ELP4: variants seen among roughly 807,000 people sequenced by gnomAD.
ELP4 encodes elongator acetyltransferase complex subunit 4.
A neutral mutation model predicts 48.9 loss-of-function variants in ELP4; 51 were observed. The ratio of observed to expected loss-of-function variants is 1.04; its 90% CI spans 0.83 to 1.32. ELP4 has a LOEUF of 1.32. Among genes scored for constraint, ELP4 ranks in the 40% most tolerant of loss-of-function variants. ELP4 has a pLI of 0.00. For synonymous variants in ELP4, 210 were observed against 189.2 expected (o/e 1.11, Z -0.90); for missense variants, 519 against 514.6 (o/e 1.01, Z -0.08).
At chr11:31,519,829 CAA>C (rs1045221587) in intron 1 of ELP4, among the ~76,000 whole-genome samples, 30 of 75,906 alleles carry the variant, frequency 4.0e-4, no homozygotes, top group Admixed American at 7.2e-4. Context: ...GACTCCATCT[CAA>C]AAAAAAAAAA....
intron 3 of ELP4, among the ~76,000 whole-genome samples, chr11:31,544,031 GAA>G (rs1956643938): frequency 6.6e-6 from 1 of 152,194 alleles, no homozygotes. Flanking sequence ...CAAGATGGCC[GAA>G]TAGGAACAGC....
At chr11:31,568,604 G>A (rs991288882) in intron 3 of ELP4, among the ~76,000 whole-genome samples, 2 of 152,076 alleles carry the variant, frequency 1.3e-5, no homozygotes, top group African/African-American at 2.4e-5. Flanking sequence ...GAACAGAAAA[G>A]AGAACCCAGA....
At chr11:31,640,523 C>T (rs1272316551) in intron 7 of ELP4, among the ~76,000 whole-genome samples, 1 of 151,890 alleles carries the variant, frequency 6.6e-6, no homozygotes, top group Non-Finnish European at 1.5e-5. Flanking sequence ...CTATTAATTA[C>T]ATTATTATTG....
intron 2 of ELP4, among the ~76,000 whole-genome samples, chr11:31,537,492 C>G (rs1956520167): frequency 6.6e-6 from 1 of 152,152 alleles, no homozygotes; most frequent in Non-Finnish European, 1.5e-5. Context: ...CCTTCTCGCA[C>G]TGCTCTAAAG....
intron 3 of ELP4, among the ~76,000 whole-genome samples, chr11:31,571,218 T>C (rs1484469948): frequency 6.6e-6 from 1 of 152,208 alleles, no homozygotes; most frequent in Admixed American, 6.5e-5. Flanking sequence ...ATCAGCTAAG[T>C]ATATGGAATA....
At chr11:31,612,014 A>G (rs913198136) in intron 5 of ELP4, among the ~76,000 whole-genome samples, 1 of 152,144 alleles carries the variant, frequency 6.6e-6, no homozygotes, top group African/African-American at 2.4e-5. Flanking sequence ...CAGATGTGCT[A>G]ATAAAGGAAG....
At chr11:31,644,512 TC>T (rs1945162919) in intron 7 of ELP4, among the ~76,000 whole-genome samples, 1 of 151,796 alleles carries the variant, frequency 6.6e-6, no homozygotes, top group Non-Finnish European at 1.5e-5. Flanking sequence ...TCTGCTCAGA[TC>T]ATTATGCTAA....
At chr11:31,749,048 C>T (rs921010657) in intron 9 of ELP4, among the ~76,000 whole-genome samples, 10 of 152,056 alleles carry the variant, frequency 6.6e-5, no homozygotes, top group African/African-American at 2.2e-4. Flanking sequence ...AGTTGCATAT[C>T]TAGAAACAGT....
intron 3 of ELP4, among the ~76,000 whole-genome samples, chr11:31,569,275 G>T (rs932446113): frequency 2.0e-5 from 3 of 152,100 alleles, no homozygotes; most frequent in African/African-American, 7.2e-5. Context: ...AAGAGCTTCT[G>T]TACCACAAGA....
intron 9 of ELP4, among the ~76,000 whole-genome samples, chr11:31,699,829 G>T (rs951663181): frequency 6.6e-6 from 1 of 151,972 alleles, no homozygotes; most frequent in East Asian, 1.9e-4. Flanking sequence ...TCATGTTAGT[G>T]GTTTCCCTGC....
In ELP4 at chr11:31,523,498, A is replaced by T. The variant is rs181746445; in HGVS notation, c.259+3407A>T. On this transcript the variant is annotated intron_variant, in intron 2 of 9. Transcript: ENST00000640961. ...TACCTGTGCATGAGTGTGGGCTTTC[A>T]GAGTACTGTATTTACAGCTTCAGTA... is the stretch of plus-strand genomic sequence containing the variant. Among the ~76,000 whole-genome samples, 22 of 152,298 alleles carry T rather than the reference A, an allele frequency of 1.4e-4. No individual in the cohort carries two copies. The East Asian group carries it at 4.2e-3, about 29-fold the overall frequency.
chr11:31,563,408 T>C (rs549289782), intron 3 of ELP4, among the ~76,000 whole-genome samples: 5 of 152,120 alleles, frequency 3.3e-5, no homozygotes, highest in African/African-American at 1.2e-4. Flanking sequence ...CTTGTGCATC[T>C]GCCAAAACAA....
rs188661423 is a variant in ELP4 at position 31,616,954 on chromosome 11, G to A, written c.654-10156G>A. Reference sequence around the variant, plus strand: ...AAGATCAAGTGTTGGTTAGGATGTGGAGAAATTGGAACCCTTGTGCACTAT... The same window carrying A: ...AAGATCAAGTGTTGGTTAGGATGTGAAGAAATTGGAACCCTTGTGCACTAT... On this transcript the variant is annotated intron_variant, in intron 5 of 9. Transcript: ENST00000640961. Among the ~76,000 whole-genome samples, 32 of 152,140 alleles carry A rather than the reference G, an allele frequency of 2.1e-4. No homozygotes were observed. In the East Asian group the frequency reaches 6.2e-3, roughly 29 times the overall value.
chr11:31,734,927 C>A (rs1947273755), intron 9 of ELP4, among the ~76,000 whole-genome samples: 1 of 152,072 alleles, frequency 6.6e-6, no homozygotes, highest in African/African-American at 2.4e-5. Flanking sequence ...AAGAACAAAG[C>A]TGGAGTCTTC....
chr11:31,542,022 G>C (rs1482559465), intron 3 of ELP4, among the ~76,000 whole-genome samples: 1 of 152,126 alleles, frequency 6.6e-6, no homozygotes, highest in Non-Finnish European at 1.5e-5. Flanking sequence ...GTCTGACCAA[G>C]ATAGATTAAC....
rs184561709 is a variant in ELP4, at chr11:31,685,879, C to T, written c.1143+35658C>T. On this transcript the variant is annotated intron_variant, in intron 9 of 9. Transcript: ENST00000640961. The stretch of plus-strand genomic sequence containing the variant: ...CTGGGAGGCGGAGGTTACAGTGATC[C>T]GAGATCACGCCACTGCACTCCAGCC... Among the ~76,000 whole-genome samples the T allele has an allele frequency of 9.5e-3, 1,433 of 150,684 alleles. 15 individuals carry two copies. The highest frequency in any genetic ancestry group is 0.015 in the Non-Finnish European group (1,039 of 67,734).
chr11:31,625,919 C>T (rs929337281), intron 5 of ELP4, among the ~76,000 whole-genome samples: 2 of 151,824 alleles, frequency 1.3e-5, no homozygotes, highest in Non-Finnish European at 2.9e-5. Flanking sequence ...ATGTAATCTA[C>T]AGAATTTTCA....
intron 3 of ELP4, among the ~76,000 whole-genome samples, chr11:31,581,666 A>G (rs952459948): frequency 6.6e-6 from 1 of 152,042 alleles, no homozygotes; most frequent in Non-Finnish European, 1.5e-5. Context: ...ACTCAGTAGA[A>G]TTTTAAAATC....
chr11:31,536,000 T>C (rs751263015), intron 2 of ELP4, among the ~76,000 whole-genome samples: 67 of 152,216 alleles, frequency 4.4e-4, no homozygotes, highest in Non-Finnish European at 7.5e-4. Flanking sequence ...CCTTGGATTT[T>C]GGTATTCATG....
Sources: allele counts gnomAD v4.1 joint callset (sites outside exome capture counted in the v4.1 genomes callset), GRCh38; gene constraint gnomAD v4.1.1; transcripts MANE v1.5; gene names NCBI Gene and HGNC (gene_info 2026-07-23, HGNC 2026-07-21).